PTPRU: variants seen among roughly 807,000 people sequenced by gnomAD.
The protein encoded by PTPRU is protein tyrosine phosphatase receptor type U, also known as receptor-type tyrosine-protein phosphatase U.
A neutral mutation model predicts 166.3 loss-of-function variants in PTPRU; 69 were observed. The observed-to-expected ratio is 0.41, with a 90% confidence interval of 0.34 to 0.51. The LOEUF is 0.51. Ranked by LOEUF, PTPRU falls within the 20% of genes least tolerant of loss-of-function variation. PTPRU has a pLI of 0.09. For synonymous variants in PTPRU, 793 were observed against 814.0 expected, an observed-to-expected ratio of 0.97 and a Z score of 0.44; for missense variants, 1,657 against 2,013.7, an observed-to-expected ratio of 0.82 and a Z score of 3.39.
At chr1:29,324,816 C>G (rs1350373498) in intron 28 of PTPRU, among the ~76,000 whole-genome samples, 1 of 151,172 alleles carries the variant, frequency 6.6e-6, no homozygotes, top group Non-Finnish European at 1.5e-5. Flanking sequence ...CTCTGCCCCG[C>G]CCTTCTGAGT....
At position 29,311,570 on chromosome 1, in the gene PTPRU, G is replaced by A; in HGVS notation, c.2955+17G>A. The A allele has an allele frequency of 6.2e-7, 1 of 1,614,194 alleles. No individual in the cohort carries two copies. ...GTGGGCAGGGTAAGCCGGGCTGTGG[G>A]GCGAGCTGGGGCGCATGGCAGGCCA... On this transcript the variant is annotated intron_variant, in intron 20 of 29. Coordinates refer to ENST00000373779, the MANE Select transcript of PTPRU (RefSeq NM_133178.4). The surrounding 1 kb of genome is among the most constrained non-coding windows in gnomAD (Gnocchi z 4.1).
chr1:29,255,411 G>C lies in PTPRU; in HGVS notation c.205+5G>C. On this transcript the variant is annotated splice_donor_5th_base_variant and intron_variant, in intron 2 of 29. Transcript: ENST00000373779. Reference sequence around the variant, plus strand: ...CACCTGCGGACCTGCCCCACGGTAAGTCTACTCTCCATCGCCATTACCCCT... The same window carrying C: ...CACCTGCGGACCTGCCCCACGGTAACTCTACTCTCCATCGCCATTACCCCT... The C allele has an allele frequency of 6.2e-7, 1 of 1,614,052 alleles. No individual in the cohort carries two copies. The highest frequency in any genetic ancestry group is 8.5e-7 in the Non-Finnish European group (1 of 1,179,938).
At chr1:29,300,776 A>G (rs909558895) in intron 15 of PTPRU, among the ~76,000 whole-genome samples, 11 of 152,192 alleles carry the variant, frequency 7.2e-5, no homozygotes, top group African/African-American at 2.7e-4. Flanking sequence ...TCTTCAAACC[A>G]TGGCACAGGA....
rs1028761673 is a variant in PTPRU at position 29,325,632 on chromosome 1, G to C, written c.4282G>C (p.Glu1428Gln). 6.2e-7 allele frequency: 1 copy of C among 1,612,022 alleles called. No individual in the cohort carries two copies. ...CCACTTTTGCTACGATGTGGCCCTG[G>C]AGTACTTGGAGGGGCTGGAGTCAAG... ...QYHFCYDVAL[E>Q]YLEGLESR The change falls in exon 30 of 30, where the codon GAG becomes CAG. Residue 1428 changes from glutamate to glutamine, a missense_variant. By Grantham distance (29) the Glu-to-Gln change is conservative (BLOSUM62 2). Around this residue, in one of 3 missense-constraint regions of PTPRU, gnomAD observed 1,190 missense variants for 1,477.4 expected, o/e 0.81. Coordinates refer to ENST00000373779, the MANE Select transcript of PTPRU (RefSeq NM_133178.4).
chr1:29,289,691 A>G, intron 14 of PTPRU: 1 of 1,614,002 alleles, frequency 6.2e-7, no homozygotes, highest in South Asian at 1.1e-5. Flanking sequence ...AGGAGAGACC[A>G]CTATGCCTAC....
chr1:29,309,391 G>C (rs1190529520), intron 18 of PTPRU, among the ~76,000 whole-genome samples: 2 of 152,104 alleles, frequency 1.3e-5, no homozygotes, highest in African/African-American at 4.8e-5. Context: ...GCTACTGCTC[G>C]GCATAGCTGT....
intron 17 of PTPRU, 40 bp downstream of exon 17, chr1:29,304,889 T>C (rs934568176): frequency 6.6e-7 from 1 of 1,518,164 alleles, no homozygotes; most frequent in Non-Finnish European, 9.1e-7. Context: ...GGGCAGTGGG[T>C]GGGAGGGCAT....
In PTPRU at chr1:29,315,119, C is replaced by G. The variant is rs1687838351; in HGVS notation, c.3228-253C>G. Among the ~76,000 whole-genome samples the G allele has an allele frequency of 6.6e-6, 1 of 152,174 alleles. No individual in the cohort carries two copies. Among genetic ancestry groups the G allele is most frequent in the South Asian group, 2.1e-4 (1 of 4,826 alleles). On this transcript the variant is annotated intron_variant, in intron 22 of 29. Transcript: ENST00000373779. The surrounding 1 kb of genome is among the most constrained non-coding windows in gnomAD (Gnocchi z 4.5). ...AAGTTGCTAGGTTGAGCCAGTGTCA[C>G]CTTTGCATTCTCCCCACCCTCTCTC...
intron 25 of PTPRU, 92 bp downstream of exon 25, chr1:29,318,013 T>G: frequency 6.8e-7 from 1 of 1,481,088 alleles, no homozygotes; most frequent in Non-Finnish European, 9.1e-7. Flanking sequence ...CTGAAGGCTC[T>G]GTTGGGGGGA....
intron 7 of PTPRU, among the ~76,000 whole-genome samples, chr1:29,266,736 A>T (rs1289485351): frequency 6.6e-6 from 1 of 152,164 alleles, no homozygotes; most frequent in Admixed American, 6.5e-5. Context: ...GTTGGTAGGG[A>T]TATATGACTA....
chr1:29,289,826 A>C, intron 14 of PTPRU: 1 of 1,249,802 alleles, frequency 8.0e-7, no homozygotes. Context: ...CCTGGTGTCC[A>C]CCCGGTTCTC....
Position 29,258,508 on chromosome 1 carries a change from C to A in PTPRU, c.209C>A (p.Ser70Tyr). 1 of 1,613,442 alleles carries A rather than the reference C, an allele frequency of 6.2e-7. No individual in the cohort carries two copies. The highest frequency in any genetic ancestry group is 1.3e-5 in the African/African-American group (1 of 75,034). The change falls in exon 3 of 30, where the codon TCC becomes TAC. Residue 70 changes from serine to tyrosine, a missense_variant. This residue lies in a region of PTPRU where 453 missense variants were observed against 496.9 expected (regional missense o/e 0.91). Transcript: ENST00000373779. ...TRAPADLPHG[S>Y]YLMVNTSQHA... ...CCTCTTCCTCCTCTCTTTCCAGGCT[C>A]CTACTTGATGGTCAACACTTCCCAG... is the stretch of plus-strand genomic sequence containing the variant.
In PTPRU at chr1:29,257,802, G is replaced by T. The variant is rs1437237536; in HGVS notation, c.206-703G>T. On this transcript the variant is annotated intron_variant, in intron 2 of 29. Transcript: ENST00000373779. The surrounding 1 kb of genome is among the most constrained non-coding windows in gnomAD (Gnocchi z 4.6). ...AGAAGCCCAGGGTGGGAGGCAGAGG[G>T]AGGGCTTTGGAAGGGGTGGCCTTTG... Among the ~76,000 whole-genome samples the T allele has an allele frequency of 6.6e-6, 1 of 152,256 alleles. No individual in the cohort carries two copies. Among genetic ancestry groups the T allele is most frequent in the East Asian group, 1.9e-4 (1 of 5,172 alleles).
At position 29,304,052 on chromosome 1, in the gene PTPRU, G is replaced by A. The variant is rs1315401644; in HGVS notation, c.2667+7G>A. On this transcript the variant is annotated splice_region_variant and intron_variant, in intron 16 of 29. Coordinates refer to ENST00000373779, the MANE Select transcript of PTPRU (RefSeq NM_133178.4). The stretch of plus-strand genomic sequence containing the variant: ...CTTCAAGCAGGAGTATGAGGTGCAC[G>A]CCGGCCCCGGGCCAGCAGGATCCCT... 1.3e-6 allele frequency: 2 copies of A among 1,596,970 alleles called. No homozygotes were observed. Among genetic ancestry groups the A allele is most frequent in the Non-Finnish European group, 1.7e-6 (2 of 1,167,824 alleles).
At position 29,325,971 on chromosome 1, in the gene PTPRU, CTCTGGGG is replaced by C; in HGVS notation, c.*311_*317del. ...AGTGACAAAGGCTCAGGACGGCTGG[CTCTGGGG>C]GACTCAGGCCAAGCCCCTTGGCACC... On this transcript the variant is annotated 3_prime_UTR_variant, in exon 30 of 30. Coordinates refer to ENST00000373779, the MANE Select transcript of PTPRU (RefSeq NM_133178.4). 2.9e-5 allele frequency: 13 copies of C among 442,590 alleles called. No individual in the cohort carries two copies. Among genetic ancestry groups the C allele is most frequent in the South Asian group, 7.3e-5 (1 of 13,726 alleles). The allele number at this position is 442,590 out of a possible 1,614,324, so 27.4% of individuals were successfully genotyped here.
intron 7 of PTPRU, among the ~76,000 whole-genome samples, chr1:29,274,680 T>C (rs979646975): frequency 3.3e-5 from 5 of 152,198 alleles, no homozygotes; most frequent in Non-Finnish European, 7.3e-5. Flanking sequence ...TTAAGAAAAA[T>C]ATATCAACAG....
chr1:29,251,068 A>G (rs1470150718), intron 1 of PTPRU, among the ~76,000 whole-genome samples: 5 of 152,200 alleles, frequency 3.3e-5, no homozygotes, highest in Non-Finnish European at 4.4e-5. Context: ...CCTGGCCAGC[A>G]TGGTGACATC....
intron 12 of PTPRU, among the ~76,000 whole-genome samples, chr1:29,283,210 C>G (rs1686176871): frequency 6.6e-6 from 1 of 150,380 alleles, no homozygotes; most frequent in East Asian, 2.0e-4. Context: ...CTCCTTTTGC[C>G]CACCTCCCAT....
intron 7 of PTPRU, among the ~76,000 whole-genome samples, chr1:29,265,145 G>T (rs1357698593): frequency 3.3e-5 from 5 of 151,876 alleles, no homozygotes; most frequent in African/African-American, 9.7e-5. Context: ...TGAGTCATAT[G>T]GTGATTGCAT....
Sources: allele counts gnomAD v4.1 joint callset (sites outside exome capture counted in the v4.1 genomes callset), GRCh38; gene constraint gnomAD v4.1.1; regional missense constraint gnomAD v4.1.1; non-coding constraint Gnocchi (gnomAD v3.1); transcripts MANE v1.5; gene names NCBI Gene and HGNC (gene_info 2026-07-23, HGNC 2026-07-21).